ATP2B2: variants seen among roughly 807,000 people sequenced by gnomAD.
ATP2B2 encodes the protein plasma membrane calcium-transporting ATPase 2.
A neutral mutation model predicts 120.0 loss-of-function variants in ATP2B2; 15 were observed. That is an observed-to-expected ratio of 0.12 (90% confidence interval 0.08 to 0.19). ATP2B2 has a LOEUF of 0.19. ATP2B2 is among the 10% of genes least tolerant of loss of function. The pLI is 1.00. For synonymous variants in ATP2B2, 694 were observed against 700.3 expected, an observed-to-expected ratio of 0.99 and a Z score of 0.14; for missense variants, 1,045 against 1,719.8, an observed-to-expected ratio of 0.61 and a Z score of 6.94.
intron 2 of ATP2B2, among the ~76,000 whole-genome samples, chr3:10,556,170 G>A (rs1186838827): frequency 2.6e-5 from 4 of 152,212 alleles, no homozygotes; most frequent in African/African-American, 7.2e-5. Flanking sequence ...AAAGTGCTGG[G>A]ATTATAGGCG....
intron 2 of ATP2B2, among the ~76,000 whole-genome samples, chr3:10,552,196 C>T (rs992528855): frequency 1.4e-4 from 21 of 152,300 alleles, no homozygotes; most frequent in African/African-American, 3.6e-4. Context: ...TGGCGAGGGG[C>T]GTGGGCGGGA....
chr3:10,688,449 C>T (rs546737730), intron 1 of ATP2B2, among the ~76,000 whole-genome samples: 2 of 152,338 alleles, frequency 1.3e-5, no homozygotes, highest in South Asian at 4.1e-4. Flanking sequence ...CTTCATTCAA[C>T]ATGTTTCTTT....
chr3:10,487,226 A>T (rs808933), intron 1 of ATP2B2, among the ~76,000 whole-genome samples: 5 of 151,886 alleles, frequency 3.3e-5, no homozygotes, highest in Middle Eastern at 3.2e-3. Flanking sequence ...GCCTCTCCCC[A>T]CAAGCATGTG....
intron 2 of ATP2B2, among the ~76,000 whole-genome samples, chr3:10,606,025 G>A (rs1042342018): frequency 6.6e-6 from 1 of 152,102 alleles, no homozygotes; most frequent in Non-Finnish European, 1.5e-5. Flanking sequence ...GGCTGAGATG[G>A]GAGGTTTGCT....
intron 1 of ATP2B2, among the ~76,000 whole-genome samples, chr3:10,458,137 T>C (rs1473521072): frequency 1.3e-5 from 2 of 152,108 alleles, no homozygotes; most frequent in African/African-American, 4.8e-5. Context: ...TGTCTGTCCA[T>C]CTGTCAATCC....
At chr3:10,601,039 G>T (rs915166892) in intron 2 of ATP2B2, among the ~76,000 whole-genome samples, 1 of 152,160 alleles carries the variant, frequency 6.6e-6, no homozygotes, top group African/African-American at 2.4e-5. Flanking sequence ...AGCACAGGGT[G>T]CCAGCCAGGA....
intron 2 of ATP2B2, among the ~76,000 whole-genome samples, chr3:10,613,276 A>G (rs1328072558): frequency 6.6e-6 from 1 of 152,048 alleles, no homozygotes. Flanking sequence ...GCTGGTCCTG[A>G]TTTGTATCCT....
chr3:10,508,871 C>T (rs1342427976), upstream of ATP2B2, among the ~76,000 whole-genome samples: 1 of 152,210 alleles, frequency 6.6e-6, no homozygotes, highest in African/African-American at 2.4e-5. Context: ...TTACTGATAG[C>T]TTCTGCCTCC....
chr3:10,666,268 A>G (rs1044165207), intron 1 of ATP2B2, among the ~76,000 whole-genome samples: 14 of 152,254 alleles, frequency 9.2e-5, no homozygotes, highest in East Asian at 7.7e-4. Flanking sequence ...CACAACGGAG[A>G]GAGATGACCA....
chr3:10,362,744 T>C (rs991619014), intron 12 of ATP2B2, among the ~76,000 whole-genome samples: 4 of 152,232 alleles, frequency 2.6e-5, no homozygotes, highest in Non-Finnish European at 5.9e-5. Context: ...TAGGTTTTAC[T>C]AAGAAGCAGA....
intron 2 of ATP2B2, among the ~76,000 whole-genome samples, chr3:10,430,291 A>C (rs1330294194): frequency 6.6e-6 from 1 of 152,216 alleles, no homozygotes; most frequent in African/African-American, 2.4e-5. Flanking sequence ...ATCCATAGTG[A>C]TTCCTCTGAT....
intron 3 of ATP2B2, among the ~76,000 whole-genome samples, chr3:10,515,674 G>A (rs997832361): frequency 3.9e-5 from 6 of 152,178 alleles, no homozygotes; most frequent in Non-Finnish European, 7.3e-5. Flanking sequence ...ACACAGGCCT[G>A]AGCTTAAGTC....
intron 1 of ATP2B2, among the ~76,000 whole-genome samples, chr3:10,485,208 A>G (rs7616991): frequency 6.6e-6 from 1 of 152,144 alleles, no homozygotes; most frequent in Non-Finnish European, 1.5e-5. Context: ...AGCACTTACT[A>G]TGTGCTAGGC....
intron 2 of ATP2B2, among the ~76,000 whole-genome samples, chr3:10,539,520 T>C (rs1271132205): frequency 6.6e-6 from 1 of 152,042 alleles, no homozygotes; most frequent in Non-Finnish European, 1.5e-5. Flanking sequence ...AAAACAGAGA[T>C]ACAGACCAAT....
intron 8 of ATP2B2, among the ~76,000 whole-genome samples, chr3:10,383,575 G>T (rs1156518049): frequency 6.6e-6 from 1 of 152,206 alleles, no homozygotes; most frequent in Admixed American, 6.5e-5. Flanking sequence ...GAGCCAGCCA[G>T]GTCTGGGTTC....
rs117537169 is a variant in ATP2B2, at chr3:10,391,018, G to T, written c.782-2616C>A. Among the ~76,000 whole-genome samples, 325 of 152,308 alleles carry T rather than the reference G, an allele frequency of 2.1e-3. 11 individuals are homozygous for T. The East Asian group carries it at 0.056, about 26-fold the overall frequency. On this transcript the variant is annotated intron_variant, in intron 5 of 22. Coordinates refer to ENST00000360273, the MANE Select transcript of ATP2B2 (RefSeq NM_001001331.4). ...AGCATTAGACAGATAAGAAACTGGG[G>T]TCTCATGGCGGGTATCACTGGAGAC...
rs1292120502 is a variant in ATP2B2, at chr3:10,590,598, C to T, written c.-415+29319G>A. 2.6e-5 allele frequency among the ~76,000 whole-genome samples: 4 copies of T among 152,166 alleles called. No individual in the cohort carries two copies. In the South Asian group the frequency reaches 6.2e-4, roughly 24 times the overall value. Reference sequence around the variant, plus strand: ...CCCCTCCAATGTGAAGAAAGAGGCACAGCTGCTCTTGGATTCACTCTGCGT... The same window carrying T: ...CCCCTCCAATGTGAAGAAAGAGGCATAGCTGCTCTTGGATTCACTCTGCGT... On this transcript the variant is annotated intron_variant, in intron 2 of 21. Coordinates refer to the ATP2B2 transcript ENST00000646379.
chr3:10,695,014 T>C (rs996751356), intron 1 of ATP2B2, among the ~76,000 whole-genome samples: 2 of 152,058 alleles, frequency 1.3e-5, no homozygotes, highest in African/African-American at 4.8e-5. Context: ...ACTCTTTGAA[T>C]TTTGGGTGAC....
At chr3:10,333,780 C>T (rs2060044286) in intron 22 of ATP2B2, among the ~76,000 whole-genome samples, 2 of 152,180 alleles carry the variant, frequency 1.3e-5, no homozygotes, top group Admixed American at 6.5e-5. Flanking sequence ...AGGCCCTGGC[C>T]AACCCTGCCG....
Sources: allele counts gnomAD v4.1 joint callset (sites outside exome capture counted in the v4.1 genomes callset), GRCh38; gene constraint gnomAD v4.1.1; transcripts MANE v1.5; gene names NCBI Gene and HGNC (gene_info 2026-07-23, HGNC 2026-07-21).